VDR: variants seen among roughly 807,000 people sequenced by gnomAD.
The protein encoded by VDR is vitamin D3 receptor.
VDR carries 19 observed loss-of-function variants against 39.7 expected under a neutral mutation model. The ratio of observed to expected loss-of-function variants is 0.48; its 90% CI spans 0.33 to 0.70. The LOEUF (loss-of-function observed/expected upper bound fraction) is 0.70. VDR is among the 30% of genes least tolerant of loss of function. The probability of loss-of-function intolerance (pLI) is 0.02; values close to 1 mark genes in which losing one functional copy is unlikely to be tolerated. For synonymous variants in VDR, 242 were observed against 215.8 expected, an observed-to-expected ratio of 1.12 and a Z score of -1.07; for missense variants, 442 against 570.5, an observed-to-expected ratio of 0.77 and a Z score of 2.29.
intron 6 of VDR, among the ~76,000 whole-genome samples, chr12:47,856,342 T>C (rs936177560): frequency 6.6e-6 from 1 of 152,190 alleles, no homozygotes; most frequent in African/African-American, 2.4e-5. Context: ...TGACCAGTAG[T>C]CACACTTCCT....
Position 47,842,623 on chromosome 12 carries a change from A to ATTTTTTT in VDR, c.*2116_*2122dup, listed in dbSNP as rs17878969. On this transcript the variant is annotated 3_prime_UTR_variant, in exon 10 of 10. Transcript: ENST00000549336. The stretch of plus-strand genomic sequence containing the variant: ...CAGGCTTGCGCCACCATGCCCGGCT[A>ATTTTTTT]TTTTTTTTTTTTTTTTTTTTGTATT... 6.9e-5 allele frequency: 9 copies of ATTTTTTT among 131,066 alleles called. No homozygotes were observed. Among genetic ancestry groups the ATTTTTTT allele is most frequent in the East Asian group, 2.3e-4 (1 of 4,258 alleles). The allele number at this position is 131,066 out of a possible 1,614,324, so 8.1% of individuals were successfully genotyped here. A position where few individuals can be genotyped will look rare whatever the true frequency, so the allele number is the denominator to read the frequency against.
chr12:47,872,696 A>T (rs998808276), intron 3 of VDR, among the ~76,000 whole-genome samples: 1 of 152,170 alleles, frequency 6.6e-6, no homozygotes, highest in Non-Finnish European at 1.5e-5. Flanking sequence ...CCTGATATTT[A>T]ACTCCTTCTG....
intron 2 of VDR, 62 bp from the exon 3 acceptor site, chr12:47,879,177 C>A: frequency 6.3e-7 from 1 of 1,577,520 alleles, no homozygotes; most frequent in Non-Finnish European, 8.6e-7. Context: ...CAGCTGGCAT[C>A]CTTGGTGCCA....
intron 3 of VDR, among the ~76,000 whole-genome samples, chr12:47,871,330 C>CTTTCT (rs1555153533): frequency 2.1e-5 from 3 of 144,690 alleles, no homozygotes; most frequent in Non-Finnish European, 4.5e-5. Flanking sequence ...TTCTTTCTTT[C>CTTTCT]TTTCTTTCTT....
intron 1 of VDR, among the ~76,000 whole-genome samples, chr12:47,884,415 G>T (rs930450911): frequency 6.6e-5 from 10 of 152,184 alleles, no homozygotes; most frequent in Admixed American, 2.0e-4. Flanking sequence ...CCCACAGCTA[G>T]GCAAGTGGTG....
chr12:47,871,584 C>T (rs1945881483), intron 3 of VDR, among the ~76,000 whole-genome samples: 1 of 151,842 alleles, frequency 6.6e-6, no homozygotes, highest in Admixed American at 6.6e-5. Context: ...TTGCTTCAGC[C>T]TCCCGAGTAG....
At chr12:47,884,415 G>C (rs930450911) in intron 1 of VDR, among the ~76,000 whole-genome samples, 1 of 152,184 alleles carries the variant, frequency 6.6e-6, no homozygotes, top group Admixed American at 6.5e-5. Context: ...CCCACAGCTA[G>C]GCAAGTGGTG....
At chr12:47,867,262 G>T (rs555526983) in intron 3 of VDR, among the ~76,000 whole-genome samples, 1 of 152,304 alleles carries the variant, frequency 6.6e-6, no homozygotes, top group African/African-American at 2.4e-5. Context: ...GCTGAGGCAG[G>T]AGAATCACTT....
At chr12:47,856,119 A>G (rs894449360) in intron 6 of VDR, among the ~76,000 whole-genome samples, 6 of 152,224 alleles carry the variant, frequency 3.9e-5, no homozygotes, top group African/African-American at 1.4e-4. Flanking sequence ...AAAATGTTCA[A>G]CCTTGCTAAT....
rs1417684652 is a variant in VDR at position 47,842,713 on chromosome 12, C to A, written c.*2033G>T. On this transcript the variant is annotated 3_prime_UTR_variant, in exon 10 of 10. Coordinates refer to ENST00000549336, the MANE Select transcript of VDR (RefSeq NM_000376.3). The stretch of plus-strand genomic sequence containing the variant: ...TCTCGAACTCCCGACCTCAGGTGAT[C>A]CACCTACCTCGACCTCCCAAACTGC... 1 of 149,100 alleles carries A rather than the reference C, an allele frequency of 6.7e-6. No homozygotes were observed. The highest frequency in any genetic ancestry group is 1.5e-5 in the Non-Finnish European group (1 of 67,754). 9.2% of individuals were successfully genotyped at this position (149,100 alleles called of 1,614,324 possible).
At chr12:47,889,932 C>T (rs771775420) in intron 1 of VDR, among the ~76,000 whole-genome samples, 14 of 152,130 alleles carry the variant, frequency 9.2e-5, no homozygotes, top group East Asian at 3.9e-4. Context: ...TCTGTCTTAA[C>T]GCTGGGACCC....
chr12:47,891,338 A>G (rs971607828), intron 1 of VDR, among the ~76,000 whole-genome samples: 1 of 152,362 alleles, frequency 6.6e-6, no homozygotes, highest in Non-Finnish European at 1.5e-5. Context: ...CTGGCACACC[A>G]TAAGCTTTAT....
chr12:47,859,486 G>A (rs551182834), intron 4 of VDR, among the ~76,000 whole-genome samples: 1 of 152,300 alleles, frequency 6.6e-6, no homozygotes, highest in South Asian at 2.1e-4. Flanking sequence ...AGTTGTGCTA[G>A]GTGCCCGTCC....
intron 1 of VDR, among the ~76,000 whole-genome samples, chr12:47,903,315 C>G (rs1045706020): frequency 6.6e-6 from 1 of 152,208 alleles, no homozygotes; most frequent in Admixed American, 6.5e-5. Context: ...ATTGGCCTCC[C>G]AGGACTCTTC....
chr12:47,860,989 G>A (rs1480043242), intron 4 of VDR, among the ~76,000 whole-genome samples: 1 of 152,222 alleles, frequency 6.6e-6, no homozygotes, highest in African/African-American at 2.4e-5. Context: ...CTTTAAGGCA[G>A]GTGCTGTTGT....
chr12:47,897,199 T>C (rs566015126), intron 1 of VDR, among the ~76,000 whole-genome samples: 1 of 152,310 alleles, frequency 6.6e-6, no homozygotes, highest in South Asian at 2.1e-4. Context: ...ACCAGCCTCG[T>C]AGGATTATTG....
chr12:47,878,657 T>C (rs1946060313), intron 3 of VDR, among the ~76,000 whole-genome samples: 2 of 152,208 alleles, frequency 1.3e-5, no homozygotes, highest in South Asian at 4.1e-4. Context: ...GGGAGGAGGT[T>C]CACTCTGGAA....
At chr12:47,885,031 A>C (rs1055659269) in intron 1 of VDR, among the ~76,000 whole-genome samples, 1 of 152,178 alleles carries the variant, frequency 6.6e-6, no homozygotes, top group Non-Finnish European at 1.5e-5. Flanking sequence ...GGACAGGTGG[A>C]AAAACTGCTT....
chr12:47,842,190 GGA>G lies in VDR; in HGVS notation c.*2554_*2555del, dbSNP rs1172702001. The G allele has an allele frequency of 6.6e-6, 1 of 152,574 alleles. No homozygotes were observed. The highest frequency in any genetic ancestry group is 1.5e-5 in the Non-Finnish European group (1 of 68,186). 9.5% of individuals were successfully genotyped at this position (152,574 alleles called of 1,614,324 possible). A position where few individuals can be genotyped will look rare whatever the true frequency, so the allele number is the denominator to read the frequency against. On this transcript the variant is annotated 3_prime_UTR_variant, in exon 10 of 10. Coordinates refer to ENST00000549336, the MANE Select transcript of VDR (RefSeq NM_000376.3). The stretch of plus-strand genomic sequence containing the variant: ...CAACAGCATTATCCAAGGCTGAGGT[GGA>G]GAGCCCAGCAGGCCAGGGCCACATC...
Sources: allele counts gnomAD v4.1 joint callset (sites outside exome capture counted in the v4.1 genomes callset), GRCh38; gene constraint gnomAD v4.1.1; transcripts MANE v1.5; gene names NCBI Gene and HGNC (gene_info 2026-07-23, HGNC 2026-07-21).